The following UGGT2 variants were observed in gnomAD, a reference collection of about 807,000 sequenced individuals.
The protein encoded by UGGT2 is UDP-glucose glycoprotein glucosyltransferase 2.
In UGGT2, 180 loss-of-function variants were observed where a neutral mutation model predicts 192.1. That is an observed-to-expected ratio of 0.94 (90% CI 0.83 to 1.06). The LOEUF is 1.06. Among genes scored for constraint, UGGT2 ranks in the 50% least tolerant of loss-of-function variants. The pLI is 0.00. For missense variants in UGGT2, 1,849 were observed against 1,795.7 expected, an observed-to-expected ratio of 1.03 and a Z score of -0.54; for synonymous variants, 580 against 591.0, an observed-to-expected ratio of 0.98 and a Z score of 0.27.
chr13:95,870,000 T>A (rs1374305562), intron 29 of UGGT2, among the ~76,000 whole-genome samples: 1 of 152,198 alleles, frequency 6.6e-6, no homozygotes, highest in African/African-American at 2.4e-5. Context: ...TCAGATTGGC[T>A]TCATATTTTT....
rs978177529 is a variant in UGGT2, at chr13:95,927,217, T to C, written c.2097A>G (p.Thr699=). 6 of 1,611,240 alleles carry C rather than the reference T, an allele frequency of 3.7e-6. No individual in the cohort carries two copies. Among genetic ancestry groups the C allele is most frequent in the Non-Finnish European group, 5.1e-6 (6 of 1,178,020 alleles). Residue 699 remains threonine (T), a synonymous_variant, in exon 18 of 39, where the codon ACA becomes ACG. Transcript: ENST00000376747. ...TNQQYLNLIS[T]SVTADVEDFS... ...AACAGTATAGGATTATTTTACCTGA[T>C]GTAGATATTAAATTGAGGTACTGCT...
intron 25 of UGGT2, among the ~76,000 whole-genome samples, chr13:95,890,558 A>G: frequency 6.6e-6 from 1 of 152,182 alleles, no homozygotes; most frequent in East Asian, 1.9e-4. Flanking sequence ...ATCCCCTTAA[A>G]GCCCTATCTC....
At chr13:95,979,882 A>G (rs2051061293) in intron 10 of UGGT2, among the ~76,000 whole-genome samples, 1 of 152,242 alleles carries the variant, frequency 6.6e-6, no homozygotes, top group African/African-American at 2.4e-5. Flanking sequence ...GGCAACAAGC[A>G]TATGGAAAAA....
Position 95,832,931 on chromosome 13 carries a change from A to G in UGGT2, c.4524T>C (p.Asp1508=), listed in dbSNP as rs762017739. 5 of 1,612,166 alleles carry G rather than the reference A, an allele frequency of 3.1e-6. No individual in the cohort carries two copies. The Admixed American group carries it at 8.3e-5, about 27-fold the overall frequency. The part of the protein sequence containing the change: ...LLDHLENKKQ[D]TILTHDEL ...CACAACACGTTGATGACTTACTTGT[A>G]TCTTGCTTCTTGTTTTCAAGATGAT... Residue 1508 remains aspartate (D), a synonymous_variant, in exon 38 of 39, where the codon GAT becomes GAC. Transcript: ENST00000376747.
intron 20 of UGGT2, among the ~76,000 whole-genome samples, chr13:95,915,475 C>T (rs1311341963): frequency 6.6e-6 from 1 of 152,124 alleles, no homozygotes; most frequent in Admixed American, 6.5e-5. Context: ...TAATATATCC[C>T]CAGAAGGGAA....
chr13:95,971,129 T>C (rs2050759823), intron 11 of UGGT2, among the ~76,000 whole-genome samples: 1 of 152,310 alleles, frequency 6.6e-6, no homozygotes, highest in South Asian at 2.1e-4. Context: ...GGGCATGTTA[T>C]TGGTTCTCCA....
intron 38 of UGGT2, among the ~76,000 whole-genome samples, chr13:95,831,228 T>C (rs921808619): frequency 6.6e-6 from 1 of 152,096 alleles, no homozygotes; most frequent in African/African-American, 2.4e-5. Flanking sequence ...TATACATATG[T>C]AACAAACCTG....
chr13:95,923,184 T>A (rs1308703755), intron 20 of UGGT2, among the ~76,000 whole-genome samples: 1 of 152,006 alleles, frequency 6.6e-6, no homozygotes, highest in Non-Finnish European at 1.5e-5. Flanking sequence ...CTCAAATAAC[T>A]GGGACTACAG....
chr13:95,998,452 G>A (rs2140923347), intron 6 of UGGT2, among the ~76,000 whole-genome samples: 1 of 152,286 alleles, frequency 6.6e-6, no homozygotes, highest in Middle Eastern at 3.4e-3. Flanking sequence ...ACATTCAGTA[G>A]GAGGAGCCAG....
At chr13:95,832,893 A>C (rs377147520) in intron 38 of UGGT2, 34 bp downstream of exon 38, 1 of 1,607,648 alleles carries the variant, frequency 6.2e-7, no homozygotes, top group African/African-American at 1.3e-5. Flanking sequence ...AATGCAACGC[A>C]TGTTTCAGAC....
In UGGT2 at chr13:95,895,170, A is replaced by C. The variant is rs1159828534; in HGVS notation, c.2759+10T>G. The C allele has an allele frequency of 6.4e-7, 1 of 1,572,998 alleles. No homozygotes were observed. The highest frequency in any genetic ancestry group is 2.1e-5 in the Admixed American group (1 of 47,048). ...CCAAAATGAATTGCTCTTAGAACTTATATACTCACTTATTTGCGTTGATTC... is the reference window on the plus strand; with the variant it reads ...CCAAAATGAATTGCTCTTAGAACTTCTATACTCACTTATTTGCGTTGATTC... On this transcript the variant is annotated intron_variant, in intron 23 of 38. Transcript: ENST00000376747.
chr13:95,910,208 A>T (rs1446861946), intron 20 of UGGT2, among the ~76,000 whole-genome samples: 1 of 152,184 alleles, frequency 6.6e-6, no homozygotes, highest in Non-Finnish European at 1.5e-5. Flanking sequence ...ACCAGCAAAC[A>T]TCATAATAAC....
intron 2 of UGGT2, among the ~76,000 whole-genome samples, chr13:96,028,780 C>A (rs1276764330): frequency 6.6e-6 from 1 of 152,068 alleles, no homozygotes. Flanking sequence ...ATTCAACAAC[C>A]TAAATTAGTA....
chr13:95,850,750 T>C (rs977881505), intron 36 of UGGT2, among the ~76,000 whole-genome samples: 2 of 152,238 alleles, frequency 1.3e-5, no homozygotes, highest in Non-Finnish European at 2.9e-5. Context: ...ATGTCCTTTA[T>C]ATAGATTCTT....
Position 96,046,480 on chromosome 13 carries a change from T to C in UGGT2, c.158+6675A>G, listed in dbSNP as rs565218974. Reference sequence around the variant, plus strand: ...CAAATGCAATAAAAACAAAGATAAATAGGAGAGAGGTTCCAAGATGGCTGA... The same window carrying C: ...CAAATGCAATAAAAACAAAGATAAACAGGAGAGAGGTTCCAAGATGGCTGA... On this transcript the variant is annotated intron_variant, in intron 1 of 38. Transcript: ENST00000376747. Among the ~76,000 whole-genome samples, 6 of 152,126 alleles carry C rather than the reference T, an allele frequency of 3.9e-5. No homozygotes were observed. The East Asian group carries it at 9.6e-4, about 24-fold the overall frequency.
At chr13:95,855,503 T>TG (rs1427617466) in intron 34 of UGGT2, among the ~76,000 whole-genome samples, 1 of 151,052 alleles carries the variant, frequency 6.6e-6, no homozygotes, top group East Asian at 1.9e-4. Flanking sequence ...GGGTGTTTTT[T>TG]TTTTTTTTTT....
intron 29 of UGGT2, among the ~76,000 whole-genome samples, chr13:95,867,796 T>C (rs1452514887): frequency 1.3e-5 from 2 of 151,340 alleles, no homozygotes; most frequent in South Asian, 2.1e-4. Flanking sequence ...CACTTCAAAG[T>C]TGTTTATATT....
intron 4 of UGGT2, among the ~76,000 whole-genome samples, chr13:96,020,403 G>C (rs572203870): frequency 2.0e-5 from 3 of 152,288 alleles, no homozygotes; most frequent in East Asian, 3.9e-4. Flanking sequence ...TCCTGGGATT[G>C]ATTCTTTGTT....
chr13:96,018,162 T>A (rs1049462145), intron 4 of UGGT2, among the ~76,000 whole-genome samples: 1 of 152,184 alleles, frequency 6.6e-6, no homozygotes, highest in African/African-American at 2.4e-5. Context: ...TATTTCCTAT[T>A]CCCTGGTTCA....
Sources: gnomAD v4.1 joint callset for allele counts (sites outside exome capture counted in the v4.1 genomes callset) on GRCh38, gnomAD v4.1.1 for gene constraint, MANE v1.5 for transcripts, NCBI Gene and HGNC (gene_info 2026-07-23, HGNC 2026-07-21) for gene names.